The following TLL1 variants were observed in gnomAD, a reference collection of about 807,000 sequenced individuals.
TLL1 encodes tolloid like 1.
Under a neutral mutation model 128.2 loss-of-function variants are expected in TLL1, and 49 were observed. That is an observed-to-expected ratio of 0.38 (90% CI 0.30 to 0.48). The LOEUF is 0.48. TLL1 is among the 20% of genes least tolerant of loss of function. The pLI, the probability that TLL1 is intolerant of heterozygous loss-of-function variation, is 0.96. For missense variants in TLL1, 1,123 were observed against 1,242.0 expected, an observed-to-expected ratio of 0.90 and a Z score of 1.44; for synonymous variants, 454 against 418.8, an observed-to-expected ratio of 1.08 and a Z score of -1.03.
At chr4:165,939,717 A>AT (rs935834007) in intron 1 of TLL1, among the ~76,000 whole-genome samples, 3 of 151,994 alleles carry the variant, frequency 2.0e-5, no homozygotes, top group Admixed American at 2.0e-4. Context: ...AGTCACAGGT[A>AT]TTTTTTAGTT....
intron 16 of TLL1, among the ~76,000 whole-genome samples, chr4:166,066,670 T>C (rs143415226): frequency 6.6e-6 from 1 of 151,868 alleles, no homozygotes; most frequent in Non-Finnish European, 1.5e-5. Flanking sequence ...ATTAATGAGA[T>C]TTACAATGTC....
At chr4:165,930,102 T>C (rs1733448377) in intron 1 of TLL1, among the ~76,000 whole-genome samples, 1 of 152,154 alleles carries the variant, frequency 6.6e-6, no homozygotes, top group Non-Finnish European at 1.5e-5. Flanking sequence ...ATTTGGCCAC[T>C]AAGTTAAGCC....
Position 166,100,805 on chromosome 4 carries a change from ATC to A in TLL1, c.2972_2973del (p.Ile991LysfsTer72), listed in dbSNP as rs779811195. ...AATTCATTTCCACACTGATGACACA[ATC>A]AACAAGAAGGGATTTCATATAAGAT... Reference protein sequence around the residue: ...VLIHFHTDDTINKKGFHIRYK... With the variant: ...VLIHFHTDDTXNKKGFHIRYK... On this transcript the variant is annotated frameshift_variant, in exon 21 of 21. Coordinates refer to ENST00000061240, the MANE Select transcript of TLL1 (RefSeq NM_012464.5). LOFTEE classifies it high-confidence loss of function. The A allele has an allele frequency of 1.2e-6, 2 of 1,613,124 alleles. No homozygotes were observed. Among genetic ancestry groups the A allele is most frequent in the Non-Finnish European group, 1.7e-6 (2 of 1,179,394 alleles).
rs116616112 is a variant in TLL1 at position 166,099,403 on chromosome 4, G to A, written c.2783G>A (p.Arg928Gln). Residue 928 changes from arginine to glutamine, a missense_variant, in exon 20 of 21, where the codon CGA (arginine) becomes CAA (glutamine). This residue lies in a region of TLL1 where 634 missense variants were observed against 672.4 expected (regional missense o/e 0.94). Transcript: ENST00000061240. The part of the protein sequence containing the change: ...EWLLVSERGS[R>Q]LELSFQTFEV... ...CTATTAGTATCAGAACGGGGCTCTC[G>A]ACTTGAATTATCCTTCCAGACATTT... 961 of 1,613,518 alleles carry A rather than the reference G, an allele frequency of 6.0e-4. No individual in the cohort carries two copies. The highest frequency in any genetic ancestry group is 1.2e-3 in the Middle Eastern group (7 of 6,056).
chr4:166,084,289 G>A (rs1262444147), intron 18 of TLL1, among the ~76,000 whole-genome samples: 1 of 151,900 alleles, frequency 6.6e-6, no homozygotes, highest in Non-Finnish European at 1.5e-5. Flanking sequence ...TATTAGCCTG[G>A]TATCAGATGT....
chr4:165,956,672 G>T (rs546585961), intron 1 of TLL1, among the ~76,000 whole-genome samples: 1 of 151,972 alleles, frequency 6.6e-6, no homozygotes, highest in African/African-American at 2.4e-5. Context: ...CAATCAATTT[G>T]TACAGTTAAC....
chr4:165,943,301 G>A (rs941818266), intron 1 of TLL1, among the ~76,000 whole-genome samples: 11 of 151,874 alleles, frequency 7.2e-5, no homozygotes, highest in Middle Eastern at 3.2e-3. Context: ...TCATCTCCAC[G>A]ATAAGATAGA....
Position 166,041,649 on chromosome 4 carries a change from A to G in TLL1, c.1262-378A>G, listed in dbSNP as rs148375327. ...TTCCCTGCTATTGGCCAGGTTGACA[A>G]TTTGAAACCACTTTCTTAGGGTGAC... On this transcript the variant is annotated intron_variant, in intron 10 of 20. Coordinates refer to ENST00000061240, the MANE Select transcript of TLL1 (RefSeq NM_012464.5). Among the ~76,000 whole-genome samples, 285 of 152,256 alleles carry G rather than the reference A, an allele frequency of 1.9e-3. 2 individuals carry two copies. Among genetic ancestry groups the G allele is most frequent in the African/African-American group, 6.5e-3 (270 of 41,560 alleles).
chr4:165,888,813 C>T (rs777972552), intron 1 of TLL1, among the ~76,000 whole-genome samples: 37 of 152,142 alleles, frequency 2.4e-4, no homozygotes, highest in Non-Finnish European at 4.1e-4. Flanking sequence ...TTAGAAGCCC[C>T]AGATGTGGGA....
rs33999097 is a variant in TLL1 at position 166,103,854 on chromosome 4, A to AT, written c.*2978_*2979insT. ...TGACTATACATAGAAAAAAAAAAAA[A>AT]CACTGTTCTCACTTGATTTTATTAA... On this transcript the variant is annotated 3_prime_UTR_variant, in exon 21 of 21. Coordinates refer to ENST00000061240, the MANE Select transcript of TLL1 (RefSeq NM_012464.5). 6.6e-6 allele frequency: 1 copy of AT among 151,244 alleles called. No homozygotes were observed. The highest frequency in any genetic ancestry group is 1.5e-5 in the Non-Finnish European group (1 of 67,670). The allele number at this position is 151,244 out of a possible 1,614,324, so 9.4% of individuals were successfully genotyped here.
At chr4:165,944,898 G>A (rs779448342) in intron 1 of TLL1, among the ~76,000 whole-genome samples, 2 of 152,110 alleles carry the variant, frequency 1.3e-5, no homozygotes, top group Non-Finnish European at 2.9e-5. Flanking sequence ...ATATCAATTA[G>A]GCAGTGGATA....
At chr4:166,060,855 AACATCC>A (rs1158719262) in intron 15 of TLL1, among the ~76,000 whole-genome samples, 1 of 152,216 alleles carries the variant, frequency 6.6e-6, no homozygotes. Flanking sequence ...CTTTTAGAAA[AACATCC>A]TTTGTGTGAT....
In TLL1 at chr4:166,029,975, C is replaced by A. The variant is rs144341929; in HGVS notation, c.1158+4544C>A. Among the ~76,000 whole-genome samples the A allele has an allele frequency of 1.8e-3, 279 of 152,090 alleles. 1 individual carries two copies. Among genetic ancestry groups the A allele is most frequent in the African/African-American group, 6.0e-3 (250 of 41,538 alleles). On this transcript the variant is annotated intron_variant, in intron 9 of 20. Coordinates refer to ENST00000061240, the MANE Select transcript of TLL1 (RefSeq NM_012464.5). ...TGGGATTGCAAATATCTCTCAGAGACCTTGTTTTCAAGTATTTTGATTATC... is the reference window on the plus strand; with the variant it reads ...TGGGATTGCAAATATCTCTCAGAGAACTTGTTTTCAAGTATTTTGATTATC...
At chr4:166,095,119 G>A (rs1741960114) in intron 19 of TLL1, among the ~76,000 whole-genome samples, 1 of 152,050 alleles carries the variant, frequency 6.6e-6, no homozygotes, top group Non-Finnish European at 1.5e-5. Context: ...TAAGTATACA[G>A]TTTAATTTGC....
At chr4:165,925,258 C>T (rs1295011498) in intron 1 of TLL1, among the ~76,000 whole-genome samples, 2 of 152,136 alleles carry the variant, frequency 1.3e-5, no homozygotes, top group Non-Finnish European at 2.9e-5. Flanking sequence ...AATCGTAAAC[C>T]TTCTGAAAAG....
intron 1 of TLL1, among the ~76,000 whole-genome samples, chr4:165,973,813 G>A (rs887994341): frequency 4.0e-5 from 6 of 151,758 alleles, no homozygotes; most frequent in African/African-American, 9.7e-5. Flanking sequence ...ATACAGGTGT[G>A]AGCCACCATG....
chr4:166,040,884 C>T (rs1739206529), intron 10 of TLL1, among the ~76,000 whole-genome samples: 1 of 152,198 alleles, frequency 6.6e-6, no homozygotes. Context: ...ACTATGTATG[C>T]CATTTCCAGA....
chr4:165,882,061 T>C (rs890817512), intron 1 of TLL1, among the ~76,000 whole-genome samples: 5 of 152,204 alleles, frequency 3.3e-5, no homozygotes, highest in Non-Finnish European at 1.5e-5. Context: ...TATGTGTGAA[T>C]GCCTTTGAGA....
chr4:166,091,366 T>C (rs1225062981), intron 19 of TLL1, 25 bp downstream of exon 19: 4 of 1,601,138 alleles, frequency 2.5e-6, no homozygotes, highest in Non-Finnish European at 3.4e-6. Flanking sequence ...GTCATGCTTC[T>C]CTTTTTTGAC....
Sources: allele counts gnomAD v4.1 joint callset (sites outside exome capture counted in the v4.1 genomes callset), GRCh38; gene constraint gnomAD v4.1.1; regional missense constraint gnomAD v4.1.1; transcripts MANE v1.5; gene names NCBI Gene and HGNC (gene_info 2026-07-23, HGNC 2026-07-21).